HS2ST1: variants seen among roughly 807,000 people sequenced by gnomAD.
HS2ST1 encodes the protein 2-O-sulfotransferase.
HS2ST1 carries 18 observed loss-of-function variants against 42.9 expected under a neutral mutation model. The observed-to-expected ratio is 0.42, with a 90% CI of 0.29 to 0.62. The LOEUF (loss-of-function observed/expected upper bound fraction) is 0.62. Among genes scored for constraint, HS2ST1 ranks in the 20% least tolerant of loss-of-function variants. The pLI, the probability that HS2ST1 is intolerant of heterozygous loss-of-function variation, is 0.21. For missense variants in HS2ST1, 334 were observed against 433.8 expected, an observed-to-expected ratio of 0.77 and a Z score of 2.04; for synonymous variants, 146 against 152.9, an observed-to-expected ratio of 0.95 and a Z score of 0.33.
rs369077995 is a variant in HS2ST1 at position 86,915,166 on chromosome 1, G to C, written c.124+6G>C. On this transcript the variant is annotated splice_donor_region_variant and intron_variant, in intron 1 of 6. Transcript: ENST00000370550. ...GGAGTCCCGCTCGAAGCTAGGTGAG[G>C]AACTGAACTGCCCCGGGCTGAGTGC... 4 of 1,612,180 alleles carry C rather than the reference G, an allele frequency of 2.5e-6. No individual in the cohort carries two copies. In the African/African-American group the frequency reaches 5.3e-5, roughly 21 times the overall value.
chr1:87,020,495 T>C (rs1649911220), intron 1 of HS2ST1, among the ~76,000 whole-genome samples: 1 of 152,248 alleles, frequency 6.6e-6, no homozygotes, highest in Non-Finnish European at 1.5e-5. Context: ...TTTCTTGAGT[T>C]TCCAAAGGAT....
At chr1:86,969,662 A>G (rs548039396) in intron 1 of HS2ST1, among the ~76,000 whole-genome samples, 1 of 152,066 alleles carries the variant, frequency 6.6e-6, no homozygotes, top group East Asian at 1.9e-4. Flanking sequence ...TCTAGCTGTA[A>G]CTTGTTTACT....
At chr1:87,025,960 G>A (rs913655523) in intron 1 of HS2ST1, among the ~76,000 whole-genome samples, 1 of 152,190 alleles carries the variant, frequency 6.6e-6, no homozygotes, top group African/African-American at 2.4e-5. Context: ...GACTTGTAGA[G>A]CTGAGGCTGT....
chr1:87,063,455 T>C (rs1651167117), intron 1 of HS2ST1, among the ~76,000 whole-genome samples: 1 of 152,124 alleles, frequency 6.6e-6, no homozygotes, highest in Non-Finnish European at 1.5e-5. Flanking sequence ...TCCTGCCTCA[T>C]CCTCCTGAGT....
chr1:87,106,975 C>G lies in HS2ST1; in HGVS notation c.*2279C>G, dbSNP rs144862598. On this transcript the variant is annotated 3_prime_UTR_variant, in exon 7 of 7. Transcript: ENST00000370550. ...AATATTTTAGGCTTTGCAGCCCATA[C>G]GGTCTCTGTCACAGCTAGTCAACCC... 6.6e-6 allele frequency: 1 copy of G among 152,104 alleles called. No homozygotes were observed. The highest frequency in any genetic ancestry group is 1.5e-5 in the Non-Finnish European group (1 of 67,960). 9.4% of individuals were successfully genotyped at this position (152,104 alleles called of 1,614,324 possible).
At position 87,103,516 on chromosome 1, in the gene HS2ST1, T is replaced by G. The variant is rs756182515; in HGVS notation, c.771T>G (p.Leu257=). Residue 257 remains leucine (L), a synonymous_variant, in exon 6 of 7, where the codon CTT becomes CTG. Coordinates refer to ENST00000370550, the MANE Select transcript of HS2ST1 (RefSeq NM_012262.4). ...EYFLVGVTEE[L]EDFIMLLEAA... ...TTCTGGTGGGAGTTACTGAAGAACTTGAAGATTTTATCATGTTATTGGAGG... is the reference window on the plus strand; with the variant it reads ...TTCTGGTGGGAGTTACTGAAGAACTGGAAGATTTTATCATGTTATTGGAGG... The G allele has an allele frequency of 6.8e-6, 11 of 1,612,584 alleles. No homozygotes were observed. In the Admixed American group the frequency reaches 1.8e-4, roughly 27 times the overall value.
chr1:87,016,758 T>G lies in HS2ST1; in HGVS notation c.125-56176T>G, dbSNP rs956626211. Reference sequence around the variant, plus strand: ...ATTCACCCGTGCCCCCATTCTACCTTTTGGCTCTGTTCAGCCGTATCCTCT... The same window carrying G: ...ATTCACCCGTGCCCCCATTCTACCTGTTGGCTCTGTTCAGCCGTATCCTCT... On this transcript the variant is annotated intron_variant, in intron 1 of 6. Coordinates refer to ENST00000370550, the MANE Select transcript of HS2ST1 (RefSeq NM_012262.4). Among the ~76,000 whole-genome samples the G allele has an allele frequency of 3.3e-5, 5 of 152,206 alleles. No homozygotes were observed. In the East Asian group the frequency reaches 9.7e-4, roughly 29 times the overall value.
chr1:87,008,837 GTTGTT>G (rs1284904465), intron 1 of HS2ST1, among the ~76,000 whole-genome samples: 3 of 151,982 alleles, frequency 2.0e-5, no homozygotes, highest in African/African-American at 4.8e-5. Flanking sequence ...GTTGTGTTGT[GTTGTT>G]TTGTTTTATT....
intron 1 of HS2ST1, among the ~76,000 whole-genome samples, chr1:87,031,328 C>G (rs1650233159): frequency 6.6e-6 from 1 of 152,204 alleles, no homozygotes; most frequent in Non-Finnish European, 1.5e-5. Flanking sequence ...CCAACTAAAT[C>G]AGAGTCTCTA....
chr1:87,033,917 A>G (rs1336018018), intron 1 of HS2ST1, among the ~76,000 whole-genome samples: 2 of 152,232 alleles, frequency 1.3e-5, no homozygotes, highest in Admixed American at 6.5e-5. Flanking sequence ...AGTGAATAAC[A>G]GTATACCACC....
rs1379188590 is a variant in HS2ST1 at position 86,917,713 on chromosome 1, A to T, written c.124+2553A>T. ...CTGCTTAAGACTTTATATTGACATT[A>T]CGCTGAGATTTAGGTATTTGAATAG... is the stretch of plus-strand genomic sequence containing the variant. On this transcript the variant is annotated intron_variant, in intron 1 of 6. Coordinates refer to ENST00000370550, the MANE Select transcript of HS2ST1 (RefSeq NM_012262.4). Among the ~76,000 whole-genome samples, 6 of 152,214 alleles carry T rather than the reference A, an allele frequency of 3.9e-5. No individual in the cohort carries two copies. In the East Asian group the frequency reaches 1.2e-3, roughly 29 times the overall value.
intron 1 of HS2ST1, among the ~76,000 whole-genome samples, chr1:87,004,060 A>G (rs910254834): frequency 1.3e-5 from 2 of 152,058 alleles, no homozygotes; most frequent in Non-Finnish European, 2.9e-5. Flanking sequence ...CAGCTTCTGA[A>G]TCTTTTTTGT....
chr1:87,059,755 T>C (rs1331910502), intron 1 of HS2ST1, among the ~76,000 whole-genome samples: 1 of 152,174 alleles, frequency 6.6e-6, no homozygotes, highest in African/African-American at 2.4e-5. Flanking sequence ...AGAATTTTTT[T>C]CCCAAAAATG....
intron 1 of HS2ST1, among the ~76,000 whole-genome samples, chr1:87,061,297 T>A (rs1292737646): frequency 6.6e-6 from 1 of 152,158 alleles, no homozygotes; most frequent in Non-Finnish European, 1.5e-5. Context: ...AACAATTCAC[T>A]GGCATTTGGA....
intron 1 of HS2ST1, among the ~76,000 whole-genome samples, chr1:86,992,822 A>G (rs1406499317): frequency 2.0e-5 from 3 of 152,246 alleles, no homozygotes; most frequent in Non-Finnish European, 4.4e-5. Flanking sequence ...GAGCCTTCAT[A>G]AGGAAATGAA....
chr1:87,073,661 C>G (rs930475748), intron 2 of HS2ST1, among the ~76,000 whole-genome samples: 1 of 151,782 alleles, frequency 6.6e-6, no homozygotes, highest in African/African-American at 2.4e-5. Flanking sequence ...ATAATCTTAC[C>G]TTTTAAATTC....
intron 1 of HS2ST1, among the ~76,000 whole-genome samples, chr1:87,023,465 T>TAG (rs533586978): frequency 6.8e-6 from 1 of 146,540 alleles, no homozygotes; most frequent in Non-Finnish European, 1.5e-5. Context: ...CAAGATATGT[T>TAG]AAAAAAAAAA....
chr1:86,942,249 C>A (rs959990196), intron 1 of HS2ST1, among the ~76,000 whole-genome samples: 1 of 152,216 alleles, frequency 6.6e-6, no homozygotes, highest in Non-Finnish European at 1.5e-5. Flanking sequence ...AGATTGTTGG[C>A]AGGCACACTT....
Position 87,104,361 on chromosome 1 carries a change from C to A in HS2ST1, c.845-109C>A, listed in dbSNP as rs1652283417. ...GAATTATATAAGACAATTATGTTAC[C>A]TGTTCTTAATGTGTCATATTAACCA... On this transcript the variant is annotated intron_variant, in intron 6 of 6. Transcript: ENST00000370550. 4 of 695,994 alleles carry A rather than the reference C, an allele frequency of 5.7e-6. No homozygotes were observed. The South Asian group carries it at 7.4e-5, about 13-fold the overall frequency. 43.1% of individuals were successfully genotyped at this position (695,994 alleles called of 1,614,324 possible).
Sources: allele counts gnomAD v4.1 joint callset (sites outside exome capture counted in the v4.1 genomes callset), GRCh38; gene constraint gnomAD v4.1.1; transcripts MANE v1.5; gene names NCBI Gene and HGNC (gene_info 2026-07-23, HGNC 2026-07-21).